Variants in PRKN observed in about 807,000 individuals in gnomAD.
PRKN encodes the protein parkin RBR E3 ubiquitin protein ligase.
PRKN carries 56 observed loss-of-function variants against 59.5 expected under a neutral mutation model. The observed-to-expected ratio is 0.94, with a 90% CI of 0.76 to 1.18. PRKN has a LOEUF of 1.18. Ranked by LOEUF, PRKN falls within the 50% of genes most tolerant of loss-of-function variation. The probability of loss-of-function intolerance (pLI) is 0.00; values close to 1 mark genes in which losing one functional copy is unlikely to be tolerated. For synonymous variants in PRKN, 250 were observed against 222.1 expected, an observed-to-expected ratio of 1.13 and a Z score of -1.12; for missense variants, 657 against 596.4, an observed-to-expected ratio of 1.10 and a Z score of -1.06.
intron 9 of PRKN, among the ~76,000 whole-genome samples, chr6:161,521,736 A>G (rs1249241800): frequency 6.6e-6 from 1 of 152,034 alleles, no homozygotes; most frequent in Admixed American, 6.6e-5. Flanking sequence ...GTCCATTTTC[A>G]TCTTTGGATT....
In PRKN at chr6:162,056,259, A is replaced by G. The variant is rs1777862040; in HGVS notation, c.535-2085T>C. Among the ~76,000 whole-genome samples, 5 of 150,468 alleles carry G rather than the reference A, an allele frequency of 3.3e-5. No individual in the cohort carries two copies. The South Asian group carries it at 8.5e-4, about 26-fold the overall frequency. On this transcript the variant is annotated intron_variant, in intron 4 of 11. Coordinates refer to ENST00000366898, the MANE Select transcript of PRKN (RefSeq NM_004562.3). This position sits in a 1 kb window ranked among gnomAD's most constrained non-coding sequence, Gnocchi z 4.9. ...TAACACACCCCACACACATACATCC[A>G]AACACATACATGCACACCAAGACAC...
rs189875172 is a variant in PRKN at position 162,368,874 on chromosome 6, G to A, written c.171+74436C>T. Among the ~76,000 whole-genome samples the A allele has an allele frequency of 8.5e-5, 13 of 152,204 alleles. No individual in the cohort carries two copies. In the East Asian group the frequency reaches 1.9e-3, roughly 23 times the overall value. On this transcript the variant is annotated intron_variant, in intron 2 of 11. Transcript: ENST00000366898. ...ACCTGTGTCTCTGCTGCTCCCTTAG[G>A]CTACTTATAATATTGGCCTAGTTCT...
At chr6:162,341,919 C>A (rs1485606021) in intron 2 of PRKN, among the ~76,000 whole-genome samples, 4 of 151,362 alleles carry the variant, frequency 2.6e-5, no homozygotes, top group Non-Finnish European at 5.9e-5. Flanking sequence ...AAAAAAAACT[C>A]CTGGTGTCAC....
In PRKN at chr6:161,527,203, T is replaced by C. The variant is rs1382583110; in HGVS notation, c.1083+21651A>G. On this transcript the variant is annotated intron_variant, in intron 9 of 11. Coordinates refer to ENST00000366898, the MANE Select transcript of PRKN (RefSeq NM_004562.3). The surrounding 1 kb of genome is among the most constrained non-coding windows in gnomAD (Gnocchi z 4.6). ...ATTTCTTTTACAAAAGAACAGCTAT[T>C]CAGAGGCACTTCTGTGTCTGCAACT... 7.9e-5 allele frequency among the ~76,000 whole-genome samples: 12 copies of C among 152,188 alleles called. No individual in the cohort carries two copies. Among genetic ancestry groups the C allele is most frequent in the Admixed American group, 7.2e-4 (11 of 15,288 alleles).
chr6:162,503,146 T>TTTC (rs1404023363), intron 1 of PRKN, among the ~76,000 whole-genome samples: 1 of 147,358 alleles, frequency 6.8e-6, no homozygotes, highest in Non-Finnish European at 1.5e-5. Flanking sequence ...CTTTTTTTTT[T>TTTC]TTTTTTTTTT....
At chr6:162,212,895 A>G (rs1031580197) in intron 3 of PRKN, among the ~76,000 whole-genome samples, 1 of 152,184 alleles carries the variant, frequency 6.6e-6, no homozygotes, top group Admixed American at 6.5e-5. Flanking sequence ...ACATATCTAA[A>G]CATAGAAAAG....
At chr6:161,940,967 A>G (rs1779543458) in intron 6 of PRKN, among the ~76,000 whole-genome samples, 1 of 152,188 alleles carries the variant, frequency 6.6e-6, no homozygotes, top group African/African-American at 2.4e-5. Context: ...TGGACACAGA[A>G]TATTATTACT....
At chr6:161,455,158 C>T (rs1193434711) in intron 9 of PRKN, among the ~76,000 whole-genome samples, 1 of 151,810 alleles carries the variant, frequency 6.6e-6, no homozygotes, top group Non-Finnish European at 1.5e-5. Context: ...CCTGCCTCAG[C>T]CTCCTGAGTA....
chr6:162,300,958 G>T (rs181042967), intron 2 of PRKN, among the ~76,000 whole-genome samples: 31 of 151,490 alleles, frequency 2.0e-4, no homozygotes, highest in Admixed American at 1.5e-3. Flanking sequence ...CCACAGACAT[G>T]CACTAAAGAA....
chr6:161,712,397 G>T (rs530997212), intron 7 of PRKN, among the ~76,000 whole-genome samples: 1 of 152,108 alleles, frequency 6.6e-6, no homozygotes. Flanking sequence ...GATACATTCC[G>T]TATCTTAGCT....
At chr6:161,563,729 G>A (rs999871559) in intron 8 of PRKN, among the ~76,000 whole-genome samples, 1 of 152,152 alleles carries the variant, frequency 6.6e-6, no homozygotes, top group African/African-American at 2.4e-5. Flanking sequence ...AAAACAGAAA[G>A]GAACCACATA....
chr6:161,375,352 A>C lies in PRKN; in HGVS notation c.1167+11442T>G, dbSNP rs112266169. Among the ~76,000 whole-genome samples the C allele has an allele frequency of 1.1e-3, 168 of 152,258 alleles. 1 individual carries two copies. The highest frequency in any genetic ancestry group is 1.6e-3 in the Admixed American group (25 of 15,312). ...TGGAGAGCCCCAGCCCCAGGTCTGC[A>C]TGGTCAGGATCGGCCTCCAGGGGCA... On this transcript the variant is annotated intron_variant, in intron 10 of 11. Coordinates refer to ENST00000366898, the MANE Select transcript of PRKN (RefSeq NM_004562.3).
intron 1 of PRKN, among the ~76,000 whole-genome samples, chr6:162,629,474 A>T (rs1386431163): frequency 6.6e-6 from 1 of 152,102 alleles, no homozygotes; most frequent in Non-Finnish European, 1.5e-5. Flanking sequence ...ACAAGTTCGT[A>T]TTTTTAAAAG....
intron 7 of PRKN, among the ~76,000 whole-genome samples, chr6:161,770,748 G>A (rs1323559487): frequency 6.6e-6 from 1 of 152,112 alleles, no homozygotes; most frequent in Non-Finnish European, 1.5e-5. Flanking sequence ...CATTACAGGC[G>A]GGAGTCACTG....
At chr6:162,040,962 A>G (rs1349555706) in intron 5 of PRKN, among the ~76,000 whole-genome samples, 1 of 150,160 alleles carries the variant, frequency 6.7e-6, no homozygotes, top group Non-Finnish European at 1.5e-5. Flanking sequence ...AGGTGGGTAG[A>G]TCACCTGAGG....
At chr6:161,909,544 A>G (rs752482986) in intron 6 of PRKN, among the ~76,000 whole-genome samples, 20 of 152,208 alleles carry the variant, frequency 1.3e-4, no homozygotes, top group Non-Finnish European at 2.5e-4. Context: ...ATGTAGAGTA[A>G]TAGGGCCTGA....
chr6:162,535,645 A>T (rs1020888342), intron 1 of PRKN, among the ~76,000 whole-genome samples: 2 of 152,140 alleles, frequency 1.3e-5, no homozygotes, highest in African/African-American at 4.8e-5. Context: ...TCACTGCCTC[A>T]TGCCTGTAAT....
Position 162,689,429 on chromosome 6 carries a change from C to A in PRKN, c.7+38233G>T, listed in dbSNP as rs547574978. Among the ~76,000 whole-genome samples the A allele has an allele frequency of 3.3e-5, 5 of 152,224 alleles. No individual in the cohort carries two copies. In the South Asian group the frequency reaches 1.0e-3, roughly 32 times the overall value. On this transcript the variant is annotated intron_variant, in intron 1 of 11. Coordinates refer to ENST00000366898, the MANE Select transcript of PRKN (RefSeq NM_004562.3). ...CTATTGCCTGTTAGGCTAAATTCAGCCATCTTTAGAATTATATCAGTTGTA... is the reference window on the plus strand; with the variant it reads ...CTATTGCCTGTTAGGCTAAATTCAGACATCTTTAGAATTATATCAGTTGTA...
At chr6:162,160,583 T>C (rs1195472526) in intron 4 of PRKN, among the ~76,000 whole-genome samples, 2 of 152,090 alleles carry the variant, frequency 1.3e-5, no homozygotes, top group Non-Finnish European at 2.9e-5. Context: ...AAAATAATCA[T>C]GCTAGCAATG....
Sources: allele counts gnomAD v4.1 joint callset (sites outside exome capture counted in the v4.1 genomes callset), GRCh38; gene constraint gnomAD v4.1.1; non-coding constraint Gnocchi (gnomAD v3.1); transcripts MANE v1.5; gene names NCBI Gene and HGNC (gene_info 2026-07-23, HGNC 2026-07-21).